Variants in DOCK8 observed in about 807,000 individuals in gnomAD.
DOCK8 encodes the protein dedicator of cytokinesis protein 8.
Under a neutral mutation model 245.6 loss-of-function variants are expected in DOCK8, and 141 were observed. The ratio of observed to expected loss-of-function variants is 0.57; its 90% CI spans 0.50 to 0.66. The LOEUF (loss-of-function observed/expected upper bound fraction) is 0.66. DOCK8 is among the 30% of genes least tolerant of loss of function. The pLI, the probability that DOCK8 is intolerant of heterozygous loss-of-function variation, is 0.00. For synonymous variants in DOCK8, 1,168 were observed against 970.2 expected, an observed-to-expected ratio of 1.20 and a Z score of -3.79; for missense variants, 2,965 against 2,603.4, an observed-to-expected ratio of 1.14 and a Z score of -3.02.
chr9:458,423 T>A (rs1419967218), intron 46 of DOCK8: 1 of 152,230 alleles, frequency 6.6e-6, no homozygotes, highest in African/African-American at 2.4e-5. Context: ...TGCCTGGAGT[T>A]CTGCCAGTAG....
At chr9:328,988 C>A (rs10970592) in intron 9 of DOCK8, among the ~76,000 whole-genome samples, 3,533 of 103,474 alleles carry the variant, frequency 0.034, 51 homozygotes, top group Middle Eastern at 0.14. Flanking sequence ...TTGCTCTTGT[C>A]ACCCAGGCTG....
intron 4 of DOCK8, among the ~76,000 whole-genome samples, chr9:304,144 C>T (rs1381872275): frequency 6.6e-6 from 1 of 152,142 alleles, no homozygotes; most frequent in Non-Finnish European, 1.5e-5. Context: ...CCATGTCCCG[C>T]CTGCTTTATT....
At chr9:319,918 T>C (rs542315808) in intron 7 of DOCK8, among the ~76,000 whole-genome samples, 196 of 152,382 alleles carry the variant, frequency 1.3e-3, no homozygotes, top group African/African-American at 4.6e-3. Flanking sequence ...GAAACTTTAA[T>C]GTGCAGAAAA....
intron 2 of DOCK8, among the ~76,000 whole-genome samples, chr9:272,664 G>A (rs916667206): frequency 1.3e-5 from 2 of 152,216 alleles, no homozygotes; most frequent in African/African-American, 4.8e-5. Flanking sequence ...TGGGATTACA[G>A]TGAGCCACTG....
At chr9:303,822 G>A (rs1052080917) in intron 4 of DOCK8, among the ~76,000 whole-genome samples, 1 of 152,120 alleles carries the variant, frequency 6.6e-6, no homozygotes, top group African/African-American at 2.4e-5. Flanking sequence ...TAAAAGATAA[G>A]ATATCCCGTA....
intron 7 of DOCK8, among the ~76,000 whole-genome samples, chr9:318,687 G>C (rs1013057286): frequency 6.6e-6 from 1 of 152,218 alleles, no homozygotes; most frequent in African/African-American, 2.4e-5. Context: ...AGAAAAGCAA[G>C]CTCTTGCCCT....
At chr9:435,213 T>C (rs187245390) in intron 39 of DOCK8, among the ~76,000 whole-genome samples, 1 of 152,340 alleles carries the variant, frequency 6.6e-6, no homozygotes, top group East Asian at 1.9e-4. Context: ...AGTGCTAAGG[T>C]TGAAAAATTC....
At chr9:286,431 A>T (rs368972078) in intron 2 of DOCK8, 30 bp from the exon 3 acceptor site, 1 of 1,611,218 alleles carries the variant, frequency 6.2e-7, no homozygotes, top group Non-Finnish European at 8.5e-7. Context: ...CTGGGTGAGA[A>T]CCTCCTTTTC....
chr9:449,876 A>T lies in DOCK8; in HGVS notation c.5910A>T (p.Ala1970=). Residue 1970 remains alanine (A), a synonymous_variant, in exon 45 of 48, where the codon GCA becomes GCT. Transcript: ENST00000432829. ...CCATTAACCAGGAGCCGCCTGATGC[A>T]AAGATGCTTCAGATGGTGCTGCAAG... ...AVAINQEPPD[A]KMLQMVLQGS... 1 of 1,613,888 alleles carries T rather than the reference A, an allele frequency of 6.2e-7. No individual in the cohort carries two copies. Among genetic ancestry groups the T allele is most frequent in the Non-Finnish European group, 8.5e-7 (1 of 1,180,036 alleles).
At chr9:300,875 C>G (rs1187519365) in intron 4 of DOCK8, among the ~76,000 whole-genome samples, 1 of 152,100 alleles carries the variant, frequency 6.6e-6, no homozygotes, top group Non-Finnish European at 1.5e-5. Context: ...CCAAAAAGCC[C>G]TTAATCAGAT....
intron 13 of DOCK8, 28 bp downstream of exon 13, chr9:339,127 T>C (rs2130914335): frequency 6.3e-7 from 1 of 1,592,116 alleles, no homozygotes; most frequent in Non-Finnish European, 8.6e-7. Flanking sequence ...TTATCCTCTT[T>C]AGCTGTGCCA....
chr9:222,968 G>C (rs1351419731), intron 1 of DOCK8, among the ~76,000 whole-genome samples: 1 of 152,046 alleles, frequency 6.6e-6, no homozygotes, highest in African/African-American at 2.4e-5. Flanking sequence ...TAAGAGTCCA[G>C]ATTACATAAC....
chr9:425,451 G>C (rs1031844849), intron 33 of DOCK8, among the ~76,000 whole-genome samples: 2 of 149,510 alleles, frequency 1.3e-5, no homozygotes, highest in African/African-American at 2.5e-5. Context: ...AGAATGGCGT[G>C]AACCCGGGAA....
At chr9:425,461 A>G (rs61690615) in intron 33 of DOCK8, among the ~76,000 whole-genome samples, 16,435 of 148,600 alleles carry the variant, frequency 0.11, 1,093 homozygotes, top group South Asian at 0.17. Flanking sequence ...GAACCCGGGA[A>G]GTGGAGCTTG....
chr9:397,490 A>G (rs780642161), intron 25 of DOCK8, among the ~76,000 whole-genome samples: 6 of 152,002 alleles, frequency 3.9e-5, no homozygotes, highest in Non-Finnish European at 8.8e-5. Flanking sequence ...GGCATTCGAG[A>G]CCAGCCTGGC....
At chr9:323,725 C>G in intron 7 of DOCK8, among the ~76,000 whole-genome samples, 1 of 152,180 alleles carries the variant, frequency 6.6e-6, no homozygotes, top group South Asian at 2.1e-4. Flanking sequence ...ATGAATTTTA[C>G]TACTCTAGGT....
intron 33 of DOCK8, among the ~76,000 whole-genome samples, chr9:422,849 A>G (rs1266965336): frequency 1.3e-5 from 2 of 152,068 alleles, no homozygotes; most frequent in African/African-American, 2.4e-5. Context: ...GCTGGGCATG[A>G]TGGCAGATGC....
At chr9:382,473 TC>T (rs1344972173) in intron 21 of DOCK8, 39 bp from the exon 22 acceptor site, 2 of 1,612,138 alleles carry the variant, frequency 1.2e-6, no homozygotes, top group Non-Finnish European at 1.7e-6. Context: ...GTAACTCTGT[TC>T]CCCTGTCTGT....
intron 1 of DOCK8, among the ~76,000 whole-genome samples, chr9:260,787 C>G (rs1005813984): frequency 6.6e-6 from 1 of 152,060 alleles, no homozygotes; most frequent in African/African-American, 2.4e-5. Context: ...GTGAATAAAG[C>G]AAAATGAAGA....
Sources: allele counts gnomAD v4.1 joint callset (sites outside exome capture counted in the v4.1 genomes callset), GRCh38; gene constraint gnomAD v4.1.1; transcripts MANE v1.5; gene names NCBI Gene and HGNC (gene_info 2026-07-23, HGNC 2026-07-21).